UPF1: variants seen among roughly 807,000 people sequenced by gnomAD.
UPF1 encodes the protein UPF1 RNA helicase and ATPase.
In UPF1, 9 loss-of-function variants were observed where a neutral mutation model predicts 129.2. That is an observed-to-expected ratio of 0.07 (90% CI 0.04 to 0.12). The LOEUF (loss-of-function observed/expected upper bound fraction) is 0.12. UPF1 is among the 10% of genes least tolerant of loss of function. The probability of loss-of-function intolerance (pLI) is 1.00; values close to 1 mark genes in which losing one functional copy is unlikely to be tolerated. For synonymous variants in UPF1, 649 were observed against 644.9 expected (o/e 1.01, Z -0.10); for missense variants, 788 against 1,525.3 (o/e 0.52, Z 8.05).
In UPF1 at chr19:18,832,642, G is replaced by A. The variant is rs1271384482; in HGVS notation, c.231+202G>A. Among the ~76,000 whole-genome samples, 1 of 152,194 alleles carries A rather than the reference G, an allele frequency of 6.6e-6. No individual in the cohort carries two copies. The highest frequency in any genetic ancestry group is 1.9e-4 in the East Asian group (1 of 5,190). Reference sequence around the variant, plus strand: ...CCTGCAATCTGCCCGGGCCTGGCCTGATCTGCCCCGGGTCCCCCGCTCCGG... The same window carrying A: ...CCTGCAATCTGCCCGGGCCTGGCCTAATCTGCCCCGGGTCCCCCGCTCCGG... On this transcript the variant is annotated intron_variant, in intron 1 of 23. Coordinates refer to ENST00000262803, the MANE Select transcript of UPF1 (RefSeq NM_002911.4). This position sits in a 1 kb window ranked among gnomAD's most constrained non-coding sequence, Gnocchi z 5.6.
chr19:18,840,392 G>C (rs1478709878), intron 1 of UPF1, among the ~76,000 whole-genome samples: 1 of 152,192 alleles, frequency 6.6e-6, no homozygotes, highest in Admixed American at 6.5e-5. Flanking sequence ...GGCTGAGCCG[G>C]GGCTCTCTCC....
intron 12 of UPF1, 46 bp downstream of exon 12, chr19:18,856,135 G>A (rs200366741): frequency 1.6e-5 from 26 of 1,607,770 alleles, no homozygotes; most frequent in Non-Finnish European, 2.0e-5. Context: ...GAGCTTCTGC[G>A]GGTGACATGT....
At position 18,854,770 on chromosome 19, in the gene UPF1, G is replaced by T. The variant is rs900083253; in HGVS notation, c.1265+61G>T. On this transcript the variant is annotated intron_variant, in intron 9 of 23. Coordinates refer to ENST00000262803, the MANE Select transcript of UPF1 (RefSeq NM_002911.4). ...GTTGCCACCTGTGGCATCTTTATGAGCCCTCCCCGTCACTGTGGAGTGGGG... is the reference window on the plus strand; with the variant it reads ...GTTGCCACCTGTGGCATCTTTATGATCCCTCCCCGTCACTGTGGAGTGGGG... 5.0e-6 allele frequency: 8 copies of T among 1,606,176 alleles called. No homozygotes were observed. The Admixed American group carries it at 5.0e-5, about 10-fold the overall frequency.
At position 18,866,379 on chromosome 19, in the gene UPF1, C is replaced by T. The variant is rs1470453022; in HGVS notation, c.*4-142C>T. On this transcript the variant is annotated intron_variant, in intron 23 of 23. Coordinates refer to ENST00000262803, the MANE Select transcript of UPF1 (RefSeq NM_002911.4). The stretch of plus-strand genomic sequence containing the variant: ...CCACCCTACCCCATCCTGTCTGCTC[C>T]GGGGACCACCGCGGGACCTCAGTTT... The T allele has an allele frequency of 1.8e-5, 11 of 610,888 alleles. No individual in the cohort carries two copies. In the East Asian group the frequency reaches 2.7e-4, roughly 15 times the overall value. 37.8% of individuals were successfully genotyped at this position (610,888 alleles called of 1,614,324 possible).
intron 1 of UPF1, among the ~76,000 whole-genome samples, chr19:18,839,837 T>G (rs2055522889): frequency 6.6e-6 from 1 of 152,178 alleles, no homozygotes; most frequent in African/African-American, 2.4e-5. Context: ...AGACAGCACA[T>G]GCCGCCTGGC....
Position 18,857,447 on chromosome 19 carries a change from A to G in UPF1, c.2096A>G (p.Gln699Arg). The change falls in exon 15 of 24, where the codon CAG (glutamine) becomes CGG (arginine). Residue 699 changes from glutamine to arginine, a missense_variant. Physicochemically the swap from Gln to Arg is conservative, Grantham distance 43. Coordinates refer to ENST00000262803, the MANE Select transcript of UPF1 (RefSeq NM_002911.4). ...CTGGGCATCCGGCCCATCCGCCTGC[A>G]GGTCCAGTACCGGATGCACCCTGCA... is the stretch of plus-strand genomic sequence containing the variant. ...VVLGIRPIRL[Q>R]VQYRMHPALS... 6.2e-7 allele frequency: 1 copy of G among 1,613,868 alleles called. No homozygotes were observed. Among genetic ancestry groups the G allele is most frequent in the Non-Finnish European group, 8.5e-7 (1 of 1,180,014 alleles).
intron 15 of UPF1, 103 bp from the exon 16 acceptor site, chr19:18,860,217 AG>A: frequency 8.2e-7 from 1 of 1,215,214 alleles, no homozygotes; most frequent in African/African-American, 1.5e-5. Flanking sequence ...CTCCTGCCCC[AG>A]GACCTGCAGC....
intron 11 of UPF1, chr19:18,855,525 G>C: frequency 5.5e-6 from 3 of 546,462 alleles, no homozygotes; most frequent in Non-Finnish European, 9.8e-6. Context: ...ATAGTGTGGC[G>C]GGATGGTGCA....
At chr19:18,864,574 G>A (rs916483711) in intron 20 of UPF1, among the ~76,000 whole-genome samples, 4 of 152,054 alleles carry the variant, frequency 2.6e-5, no homozygotes, top group Non-Finnish European at 4.4e-5. Context: ...GGTAAATGCA[G>A]GGTGATTTTC....
chr19:18,860,178 GAC>G (rs749348628), intron 15 of UPF1, 141 bp from the exon 16 acceptor site: 39 of 842,492 alleles, frequency 4.6e-5, no homozygotes, highest in Non-Finnish European at 6.7e-5. Context: ...CGGCTCAGGT[GAC>G]CTCACCAGGG....
intron 1 of UPF1, among the ~76,000 whole-genome samples, chr19:18,839,032 C>T (rs947546188): frequency 6.6e-6 from 1 of 152,140 alleles, no homozygotes; most frequent in African/African-American, 2.4e-5. Flanking sequence ...AAGCTTACCA[C>T]CATCAGCTAC....
chr19:18,847,701 G>A (rs1387596538), intron 2 of UPF1, 43 bp from the exon 3 acceptor site: 1 of 1,590,278 alleles, frequency 6.3e-7, no homozygotes, highest in Non-Finnish European at 8.6e-7. Context: ...GAAAACCAGA[G>A]AGCAAGCTTC....
chr19:18,864,756 T>TTTTG (rs1386968712), intron 20 of UPF1, among the ~76,000 whole-genome samples: 1 of 148,188 alleles, frequency 6.7e-6, no homozygotes, highest in African/African-American at 2.5e-5. Context: ...TTTTTTTTTT[T>TTTTG]GGAGACCGAG....
chr19:18,841,812 G>A (rs142453586), intron 1 of UPF1, among the ~76,000 whole-genome samples: 6 of 152,308 alleles, frequency 3.9e-5, no homozygotes, highest in Non-Finnish European at 7.4e-5. Context: ...TGAACCTCAC[G>A]CGGACTCTAG....
At chr19:18,854,578 T>C (rs564570809) in intron 8 of UPF1, 23 bp from the exon 9 acceptor site, 1 of 1,588,380 alleles carries the variant, frequency 6.3e-7, no homozygotes, top group Non-Finnish European at 8.6e-7. Flanking sequence ...TTGACAAGGA[T>C]GCAAACTTAA....
Position 18,856,235 on chromosome 19 carries a change from C to T in UPF1, c.1759C>T (p.Leu587=), listed in dbSNP as rs577157125. Residue 587 remains leucine, a synonymous_variant, in exon 13 of 24, where the codon CTG becomes TTG. Transcript: ENST00000262803. ...GCAGCTGAAAGACGAGACTGGGGAG[C>T]TGTCGTCTGCCGACGAGAAGCGGTA... is the stretch of plus-strand genomic sequence containing the variant. ...LQQLKDETGE[L]SSADEKRYRA... 24 of 1,610,528 alleles carry T rather than the reference C, an allele frequency of 1.5e-5. No individual in the cohort carries two copies. In the East Asian group the frequency reaches 5.1e-4, roughly 34 times the overall value.
intron 20 of UPF1, among the ~76,000 whole-genome samples, 179 bp downstream of exon 20, chr19:18,864,430 G>A (rs1469443525): frequency 6.6e-6 from 1 of 152,242 alleles, no homozygotes; most frequent in African/African-American, 2.4e-5. Context: ...TGGGGTGTTT[G>A]TCTTTAACCA....
Position 18,857,032 on chromosome 19 carries a change from C to A in UPF1, c.1968+12C>A. The A allele has an allele frequency of 6.2e-7, 1 of 1,601,582 alleles. No individual in the cohort carries two copies. Among genetic ancestry groups the A allele is most frequent in the Non-Finnish European group, 8.5e-7 (1 of 1,174,264 alleles). On this transcript the variant is annotated intron_variant, in intron 14 of 23. Coordinates refer to ENST00000262803, the MANE Select transcript of UPF1 (RefSeq NM_002911.4). ...TCGGGGCCAAGCAGGTGGGCTGCCT[C>A]CCCTGCCCTCCTGTGTGAAAACTCG...
chr19:18,836,914 C>A (rs1462766393), intron 1 of UPF1, among the ~76,000 whole-genome samples: 1 of 147,510 alleles, frequency 6.8e-6, no homozygotes. Flanking sequence ...CTACCATGCC[C>A]GGCTAATTTT....
Sources: gnomAD v4.1 joint callset for allele counts (sites outside exome capture counted in the v4.1 genomes callset) on GRCh38, gnomAD v4.1.1 for gene constraint, Gnocchi (gnomAD v3.1) non-coding constraint, MANE v1.5 for transcripts, NCBI Gene and HGNC (gene_info 2026-07-23, HGNC 2026-07-21) for gene names.